NAP1L1: variants seen among roughly 807,000 people sequenced by gnomAD.
NAP1L1 encodes the protein nucleosome assembly protein 1-like 1.
NAP1L1 carries 9 observed loss-of-function variants against 58.9 expected under a neutral mutation model. That is an observed-to-expected ratio of 0.15 (90% CI 0.09 to 0.27). NAP1L1 has a LOEUF of 0.27. NAP1L1 is among the 10% of genes least tolerant of loss of function. The pLI, the probability that NAP1L1 is intolerant of heterozygous loss-of-function variation, is 1.00. For missense variants in NAP1L1, 302 were observed against 458.8 expected, an observed-to-expected ratio of 0.66 and a Z score of 3.12; for synonymous variants, 130 against 138.3, an observed-to-expected ratio of 0.94 and a Z score of 0.42.
At chr12:76,060,999 G>A in intron 4 of NAP1L1, 1 of 428,226 alleles carries the variant, frequency 2.3e-6, no homozygotes, top group Non-Finnish European at 4.7e-6. Flanking sequence ...AGGCTAAGAT[G>A]AGAGCATCAC....
At chr12:76,068,735 TACACACACACACACACACACACACACAC>T (rs35120003) in intron 3 of NAP1L1, 146 bp downstream of exon 3, 1 of 293,300 alleles carries the variant, frequency 3.4e-6, no homozygotes, top group Non-Finnish European at 5.9e-6. Context: ...ACCCGCCCCT[TACACACACACACACACACACACACACAC>T]ACACACACAC....
chr12:76,078,347 A>G (rs1950277476), intron 1 of NAP1L1, among the ~76,000 whole-genome samples: 1 of 152,116 alleles, frequency 6.6e-6, no homozygotes. Context: ...CCAAACCCCA[A>G]GCTATGTACT....
intron 1 of NAP1L1, among the ~76,000 whole-genome samples, chr12:76,078,934 C>G (rs942904575): frequency 1.3e-5 from 2 of 151,970 alleles, no homozygotes; most frequent in Non-Finnish European, 2.9e-5. Context: ...AGACACCAAT[C>G]CACAGATTCA....
rs1335734031 is a variant in NAP1L1, at chr12:76,044,734, GA to G, written c.*3694del. 6.6e-6 allele frequency: 1 copy of G among 152,048 alleles called. No individual in the cohort carries two copies. The highest frequency in any genetic ancestry group is 1.5e-5 in the Non-Finnish European group (1 of 68,000). The allele number at this position is 152,048 out of a possible 1,614,324, so 9.4% of individuals were successfully genotyped here. ...CCTGACAATATGATGTCAAAAGGAAGAAACACAAGATACAAAGCATACTGTA... is the reference window on the plus strand; with the variant it reads ...CCTGACAATATGATGTCAAAAGGAAGAACACAAGATACAAAGCATACTGTA... On this transcript the variant is annotated 3_prime_UTR_variant, in exon 15 of 15. Transcript: ENST00000618691.
At chr12:76,048,671 TAA>T (rs900534699) in intron 14 of NAP1L1, among the ~76,000 whole-genome samples, 5 of 152,084 alleles carry the variant, frequency 3.3e-5, no homozygotes, top group African/African-American at 1.2e-4. Context: ...ATTAACTCCA[TAA>T]AATGTGACAC....
rs1163758742 is a variant in NAP1L1 at position 76,041,930 on chromosome 12, A to C, written c.*6499T>G. ...GATACCTCATTTCGTTTTACCCTAGATCATTTCTGGGTTCTGCCAAAGGCC... is the reference window on the plus strand; with the variant it reads ...GATACCTCATTTCGTTTTACCCTAGCTCATTTCTGGGTTCTGCCAAAGGCC... On this transcript the variant is annotated 3_prime_UTR_variant, in exon 15 of 15. Coordinates refer to ENST00000618691, the MANE Select transcript of NAP1L1 (RefSeq NM_004537.7). 2.0e-5 allele frequency: 3 copies of C among 152,200 alleles called. No individual in the cohort carries two copies. The highest frequency in any genetic ancestry group is 2.9e-5 in the Non-Finnish European group (2 of 68,042). The allele number at this position is 152,200 out of a possible 1,614,324, so 9.4% of individuals were successfully genotyped here. A position where few individuals can be genotyped will look rare whatever the true frequency, so the allele number is the denominator to read the frequency against.
chr12:76,077,376 C>T (rs1245937912), intron 1 of NAP1L1, among the ~76,000 whole-genome samples: 1 of 152,140 alleles, frequency 6.6e-6, no homozygotes, highest in African/African-American at 2.4e-5. Flanking sequence ...AACTTTGTAG[C>T]AATCTACAAA....
Position 76,040,661 on chromosome 12 carries a change from T to C in NAP1L1, c.*7768A>G, listed in dbSNP as rs1306922689. 6.6e-6 allele frequency: 1 copy of C among 152,056 alleles called. No homozygotes were observed. The highest frequency in any genetic ancestry group is 1.5e-5 in the Non-Finnish European group (1 of 68,092). The allele number at this position is 152,056 out of a possible 1,614,324, so 9.4% of individuals were successfully genotyped here. A position where few individuals can be genotyped will look rare whatever the true frequency, so the allele number is the denominator to read the frequency against. On this transcript the variant is annotated 3_prime_UTR_variant, in exon 15 of 15. Transcript: ENST00000618691. ...TGCAACCTCCACCTCCAGAGTTCAA[T>C]CAATTCTTGTGCCTCAGCCTCCTGA...
At chr12:76,071,174 C>T (rs1949935870) in intron 2 of NAP1L1, among the ~76,000 whole-genome samples, 1 of 152,120 alleles carries the variant, frequency 6.6e-6, no homozygotes, top group East Asian at 1.9e-4. Flanking sequence ...GGGCCAACTG[C>T]AGTTAGAGAA....
rs1350294791 is a variant in NAP1L1, at chr12:76,043,024, A to G, written c.*5405T>C. 4 of 152,176 alleles carry G rather than the reference A, an allele frequency of 2.6e-5. No individual in the cohort carries two copies. In the South Asian group the frequency reaches 6.2e-4, roughly 24 times the overall value. 9.4% of individuals were successfully genotyped at this position (152,176 alleles called of 1,614,324 possible). ...ACTGCAGATAAAACTTTATTCAGCA[A>G]TTTTTTTAAATAAAGCTTTTGTTCT... On this transcript the variant is annotated 3_prime_UTR_variant, in exon 15 of 15. Coordinates refer to ENST00000618691, the MANE Select transcript of NAP1L1 (RefSeq NM_004537.7).
intron 13 of NAP1L1, 155 bp downstream of exon 13, chr12:76,049,601 T>G: frequency 2.0e-6 from 3 of 1,510,536 alleles, no homozygotes; most frequent in Middle Eastern, 1.8e-4. Context: ...ACCTTATACA[T>G]ACATTGTTTG....
At chr12:76,056,002 A>C (rs766554766) in intron 7 of NAP1L1, 31 bp downstream of exon 7, 4 of 1,607,460 alleles carry the variant, frequency 2.5e-6, no homozygotes, top group Non-Finnish European at 3.4e-6. Flanking sequence ...TACCCTTCAA[A>C]GTAAACTGGT....
At chr12:76,074,127 C>A in intron 2 of NAP1L1, 76 bp downstream of exon 2, 2 of 1,213,172 alleles carry the variant, frequency 1.6e-6, no homozygotes, top group South Asian at 1.3e-5. Flanking sequence ...ATATATAATT[C>A]ATACTACTTG....
chr12:76,079,786 T>C (rs745612856), intron 1 of NAP1L1, among the ~76,000 whole-genome samples: 1 of 151,666 alleles, frequency 6.6e-6, no homozygotes, highest in Non-Finnish European at 1.5e-5. Flanking sequence ...CAGGCTCAAG[T>C]GATCCTCTCA....
chr12:76,061,415 A>G (rs954637203), intron 4 of NAP1L1, among the ~76,000 whole-genome samples: 6 of 152,188 alleles, frequency 3.9e-5, no homozygotes, highest in Admixed American at 3.9e-4. Flanking sequence ...TTTGTTAAGG[A>G]TAATAGCCTC....
intron 4 of NAP1L1, among the ~76,000 whole-genome samples, chr12:76,062,328 T>C (rs1949453529): frequency 6.6e-6 from 1 of 152,172 alleles, no homozygotes; most frequent in Non-Finnish European, 1.5e-5. Flanking sequence ...CTCTACTACT[T>C]AGGCTCACCC....
rs181747053 is a variant in NAP1L1 at position 76,049,712 on chromosome 12, T to C, written c.1089+44A>G. The C allele has an allele frequency of 3.1e-6, 5 of 1,607,510 alleles. No homozygotes were observed. The East Asian group carries it at 8.9e-5, about 29-fold the overall frequency. On this transcript the variant is annotated intron_variant, in intron 13 of 14. Transcript: ENST00000618691. ...ATAAGTCATTCAATTTGCTTCTCAA[T>C]GTGTTAACCACAGAGAATTATTTGC...
rs1949167864 is a variant in NAP1L1, at chr12:76,057,494, G to A, written c.430-1333C>T. 4 of 671,926 alleles carry A rather than the reference G, an allele frequency of 6.0e-6. No homozygotes were observed. The South Asian group carries it at 6.2e-5, about 10-fold the overall frequency. The allele number at this position is 671,926 out of a possible 1,614,324, so 41.6% of individuals were successfully genotyped here. The stretch of plus-strand genomic sequence containing the variant: ...GTCGGCTCAGCTGGCAACAGTGGCG[G>A]GAGCAGAGCTGGCGGGGCCTGTGCA... On this transcript the variant is annotated intron_variant, in intron 6 of 14. Transcript: ENST00000618691.
chr12:76,074,223 G>T lies in NAP1L1; in HGVS notation c.-4C>A, dbSNP rs1468541648. On this transcript the variant is annotated 5_prime_UTR_variant, in exon 2 of 15. Coordinates refer to ENST00000618691, the MANE Select transcript of NAP1L1 (RefSeq NM_004537.7). Reference sequence around the variant, plus strand: ...CTTACTTGTCAATGTCTGCCATGTTGTAAGAACTCCAAATATCTATGGAGA... The same window carrying T: ...CTTACTTGTCAATGTCTGCCATGTTTTAAGAACTCCAAATATCTATGGAGA... 6.3e-6 allele frequency: 10 copies of T among 1,596,034 alleles called. No individual in the cohort carries two copies. Among genetic ancestry groups the T allele is most frequent in the Admixed American group, 1.8e-5 (1 of 56,896 alleles).
Sources: allele counts gnomAD v4.1 joint callset (sites outside exome capture counted in the v4.1 genomes callset), GRCh38; gene constraint gnomAD v4.1.1; transcripts MANE v1.5; gene names NCBI Gene and HGNC (gene_info 2026-07-23, HGNC 2026-07-21).